The following WWOX variants were observed in gnomAD, a reference collection of about 807,000 sequenced individuals.
WWOX encodes WW domain containing oxidoreductase, also known as WW domain-containing oxidoreductase.
Under a neutral mutation model 46.2 loss-of-function variants are expected in WWOX, and 69 were observed. That is an observed-to-expected ratio of 1.49 (90% CI 1.23 to 1.82). The LOEUF (loss-of-function observed/expected upper bound fraction) is 1.82. Among genes scored for constraint, WWOX ranks in the 40% most tolerant of loss-of-function variants. The pLI, the probability that WWOX is intolerant of heterozygous loss-of-function variation, is 0.00. For missense variants in WWOX, 919 were observed against 542.6 expected (o/e 1.69, Z -6.89); for synonymous variants, 359 against 202.6 (o/e 1.77, Z -6.56).
At chr16:78,353,053 T>C (rs74027844) in intron 5 of WWOX, among the ~76,000 whole-genome samples, 1,541 of 152,340 alleles carry the variant, frequency 0.01, 23 homozygotes, top group African/African-American at 0.035. Flanking sequence ...ATAATGGCAG[T>C]TTGTAACTCA....
At chr16:79,089,876 G>A (rs1453181419) in intron 8 of WWOX, among the ~76,000 whole-genome samples, 7 of 151,554 alleles carry the variant, frequency 4.6e-5, no homozygotes, top group African/African-American at 7.3e-5. Context: ...ATATGGGGGC[G>A]GTTCAAGGGG....
At chr16:78,479,424 T>G (rs948891661) in intron 8 of WWOX, among the ~76,000 whole-genome samples, 4 of 152,242 alleles carry the variant, frequency 2.6e-5, no homozygotes, top group African/African-American at 9.6e-5. Context: ...TTTTAAAGCT[T>G]TTTATTTATA....
At chr16:78,244,220 A>G (rs1233292498) in intron 5 of WWOX, among the ~76,000 whole-genome samples, 2 of 152,234 alleles carry the variant, frequency 1.3e-5, no homozygotes, top group African/African-American at 2.4e-5. Context: ...GTTAAATAAA[A>G]TAATTCTCGG....
At chr16:78,738,605 G>A (rs2049142948) in intron 8 of WWOX, among the ~76,000 whole-genome samples, 2 of 152,186 alleles carry the variant, frequency 1.3e-5, no homozygotes, top group South Asian at 4.1e-4. Flanking sequence ...TCTAGTCCCT[G>A]AACAGCCATT....
rs1287424752 is a variant in WWOX at position 78,180,668 on chromosome 16, G to C, written c.516+16379G>C. 2.0e-5 allele frequency among the ~76,000 whole-genome samples: 3 copies of C among 152,010 alleles called. No homozygotes were observed. In the East Asian group the frequency reaches 5.8e-4, roughly 29 times the overall value. On this transcript the variant is annotated intron_variant, in intron 5 of 8. Coordinates refer to ENST00000566780, the MANE Select transcript of WWOX (RefSeq NM_016373.4). ...AGTGGGTAAACCCAGCCGCACCGGA[G>C]AGTTGTGGGTATATGTTAGGGCCAG... is the stretch of plus-strand genomic sequence containing the variant.
At chr16:78,473,556 A>G (rs2084281798) in intron 8 of WWOX, among the ~76,000 whole-genome samples, 1 of 148,404 alleles carries the variant, frequency 6.7e-6, no homozygotes, top group Non-Finnish European at 1.5e-5. Context: ...AGGTGAGCAG[A>G]TACACTTATC....
At chr16:78,965,805 G>C (rs759233566) in intron 8 of WWOX, among the ~76,000 whole-genome samples, 8 of 152,118 alleles carry the variant, frequency 5.3e-5, no homozygotes, top group Non-Finnish European at 1.0e-4. Flanking sequence ...ATAATATCTA[G>C]AGGCTTATTG....
intron 8 of WWOX, among the ~76,000 whole-genome samples, chr16:79,117,248 A>G (rs183068924): frequency 4.7e-4 from 72 of 152,158 alleles, no homozygotes; most frequent in Non-Finnish European, 6.2e-4. Flanking sequence ...TGGTGAATCA[A>G]TCTGCCCAAA....
intron 8 of WWOX, among the ~76,000 whole-genome samples, chr16:79,029,849 C>G (rs1031409046): frequency 1.6e-4 from 24 of 152,124 alleles, no homozygotes; most frequent in Non-Finnish European, 2.9e-4. Context: ...TTACTGTCTT[C>G]AAACTTCAAC....
At chr16:78,864,701 A>C (rs1466490457) in intron 8 of WWOX, among the ~76,000 whole-genome samples, 1 of 151,296 alleles carries the variant, frequency 6.6e-6, no homozygotes, top group African/African-American at 2.4e-5. Context: ...ACAGATGAAC[A>C]ATGGATCTTT....
chr16:78,429,297 C>G (rs962258086), intron 7 of WWOX, among the ~76,000 whole-genome samples: 2 of 152,176 alleles, frequency 1.3e-5, no homozygotes, highest in Non-Finnish European at 2.9e-5. Flanking sequence ...TCAGTGAACA[C>G]TAGGAATGGT....
At chr16:78,123,440 G>GTTTTTTGTTTTTTTTTTT in intron 4 of WWOX, 1 of 50,500 alleles carries the variant, frequency 2.0e-5, no homozygotes. Flanking sequence ...TTTTTGTTTT[G>GTTTTTTGTTTTTTTTTTT]TTTTTTTTTT....
At chr16:78,975,611 G>A (rs2046556069) in intron 8 of WWOX, among the ~76,000 whole-genome samples, 2 of 152,176 alleles carry the variant, frequency 1.3e-5, no homozygotes, top group South Asian at 4.1e-4. Flanking sequence ...TAAATGAAAG[G>A]GTGAACAGTG....
intron 5 of WWOX, chr16:78,278,770 T>G: frequency 3.0e-6 from 3 of 990,910 alleles, no homozygotes; most frequent in Non-Finnish European, 3.0e-6. Context: ...CTGACAGACA[T>G]GTACGATTTG....
In WWOX at chr16:78,923,838, T is replaced by C. The variant is rs1397580868; in HGVS notation, c.1057-287770T>C. Among the ~76,000 whole-genome samples the C allele has an allele frequency of 3.4e-5, 5 of 145,006 alleles. No homozygotes were observed. In the South Asian group the frequency reaches 9.1e-4, roughly 26 times the overall value. The stretch of plus-strand genomic sequence containing the variant: ...TTTTTCAGACGGAGTCTTGCTCTGT[T>C]GCCCAGGCTGGAGTGCAGTGGCGCG... On this transcript the variant is annotated intron_variant, in intron 8 of 8. Coordinates refer to ENST00000566780, the MANE Select transcript of WWOX (RefSeq NM_016373.4).
intron 4 of WWOX, among the ~76,000 whole-genome samples, chr16:78,131,882 C>G (rs1317974970): frequency 6.6e-6 from 1 of 151,338 alleles, no homozygotes; most frequent in African/African-American, 2.4e-5. Flanking sequence ...CCGCGCCTGG[C>G]AAGGATTTTT....
intron 8 of WWOX, among the ~76,000 whole-genome samples, chr16:78,587,534 A>C (rs887797913): frequency 6.6e-6 from 1 of 152,080 alleles, no homozygotes; most frequent in East Asian, 1.9e-4. Context: ...ACAAGCGATC[A>C]CTTGGTGTCC....
intron 8 of WWOX, among the ~76,000 whole-genome samples, chr16:78,874,252 T>A (rs2044188310): frequency 7.5e-6 from 1 of 132,658 alleles, no homozygotes; most frequent in African/African-American, 2.9e-5. Context: ...CGAGACTCTG[T>A]CTCAAAAAAA....
At chr16:78,904,498 A>C (rs536219908) in intron 8 of WWOX, among the ~76,000 whole-genome samples, 2 of 151,938 alleles carry the variant, frequency 1.3e-5, no homozygotes, top group African/African-American at 4.8e-5. Flanking sequence ...CAGCCTCCCA[A>C]AGTGCTGGGA....
Sources: allele counts gnomAD v4.1 joint callset (sites outside exome capture counted in the v4.1 genomes callset), GRCh38; gene constraint gnomAD v4.1.1; transcripts MANE v1.5; gene names NCBI Gene and HGNC (gene_info 2026-07-23, HGNC 2026-07-21).